Variants in ILDR2 observed in about 807,000 individuals in gnomAD.
ILDR2 encodes immunoglobulin-like domain-containing receptor 2.
In ILDR2, 25 loss-of-function variants were observed where a neutral mutation model predicts 66.8. That is an observed-to-expected ratio of 0.37 (90% CI 0.27 to 0.52). The LOEUF is 0.52. ILDR2 is among the 20% of genes least tolerant of loss of function. The probability of loss-of-function intolerance (pLI) is 0.88; values close to 1 mark genes in which losing one functional copy is unlikely to be tolerated. For missense variants in ILDR2, 827 were observed against 876.8 expected (o/e 0.94, Z 0.72); for synonymous variants, 367 against 357.2 (o/e 1.03, Z -0.31).
chr1:166,925,575 G>A (rs1337884518), intron 7 of ILDR2, among the ~76,000 whole-genome samples: 1 of 152,178 alleles, frequency 6.6e-6, no homozygotes, highest in African/African-American at 2.4e-5. Context: ...TACAGCCATG[G>A]AGCCATCCAC....
intron 2 of ILDR2, among the ~76,000 whole-genome samples, chr1:166,901,985 C>T (rs771669596): frequency 4.6e-5 from 7 of 152,186 alleles, no homozygotes; most frequent in Non-Finnish European, 7.3e-5. Context: ...CTCAGCCTCC[C>T]GAGTAGCAGG....
intron 6 of ILDR2, among the ~76,000 whole-genome samples, chr1:166,928,489 A>T (rs765424877): frequency 6.6e-6 from 1 of 152,228 alleles, no homozygotes; most frequent in Non-Finnish European, 1.5e-5. Flanking sequence ...CCTATATTCC[A>T]GCTATTAAGG....
chr1:166,905,728 T>A (rs1219546396), downstream of ILDR2, among the ~76,000 whole-genome samples: 2 of 152,230 alleles, frequency 1.3e-5, no homozygotes, highest in Admixed American at 6.5e-5. Flanking sequence ...GCCTCCTTCA[T>A]GTCCCAGCCA....
intron 3 of ILDR2, among the ~76,000 whole-genome samples, chr1:166,948,626 T>C (rs1661782169): frequency 1.3e-5 from 2 of 152,206 alleles, no homozygotes; most frequent in African/African-American, 4.8e-5. Flanking sequence ...TCCACTGGGC[T>C]GATTAGGGTC....
downstream of ILDR2, among the ~76,000 whole-genome samples, chr1:166,906,070 A>T (rs1488032114): frequency 6.6e-6 from 1 of 152,186 alleles, no homozygotes; most frequent in Non-Finnish European, 1.5e-5. Flanking sequence ...TGGATGTAAA[A>T]GTGTTTGCGC....
In ILDR2 at chr1:166,914,065, T is replaced by A. The variant is rs1311250366; in HGVS notation, c.*5290A>T. The stretch of plus-strand genomic sequence containing the variant: ...GGAGTTTGAGACTGCAGTGAGCTGA[T>A]AGCACCACTGCACTGCACTGCACCA... On this transcript the variant is annotated 3_prime_UTR_variant, in exon 10 of 10. Transcript: ENST00000271417. The A allele has an allele frequency of 4.7e-5, 7 of 148,644 alleles. No individual in the cohort carries two copies. Among genetic ancestry groups the A allele is most frequent in the Non-Finnish European group, 8.9e-5 (6 of 67,680 alleles). The allele number at this position is 148,644 out of a possible 1,614,324, so 9.2% of individuals were successfully genotyped here. A position where few individuals can be genotyped will look rare whatever the true frequency, so the allele number is the denominator to read the frequency against.
At chr1:166,971,228 C>T (rs1663272631) in intron 1 of ILDR2, among the ~76,000 whole-genome samples, 1 of 152,232 alleles carries the variant, frequency 6.6e-6, no homozygotes, top group Admixed American at 6.5e-5. Flanking sequence ...AGGACTATGA[C>T]TTATTCATCT....
intron 1 of ILDR2, among the ~76,000 whole-genome samples, chr1:166,962,813 T>C (rs943118676): frequency 1.3e-5 from 2 of 152,220 alleles, no homozygotes; most frequent in African/African-American, 4.8e-5. Context: ...AATAAGAATA[T>C]GTAACTATAC....
downstream of ILDR2, among the ~76,000 whole-genome samples, chr1:166,907,531 C>T (rs909634312): frequency 1.3e-5 from 2 of 152,146 alleles, no homozygotes; most frequent in African/African-American, 4.8e-5. Context: ...TAAATGGAGT[C>T]TCCCCACTCC....
intron 3 of ILDR2, among the ~76,000 whole-genome samples, chr1:166,944,965 A>C (rs529303676): frequency 1.3e-5 from 2 of 152,120 alleles, no homozygotes; most frequent in East Asian, 3.9e-4. Flanking sequence ...GTGAGGAGGC[A>C]CCTCACCCAC....
chr1:166,934,455 A>G lies in ILDR2; in HGVS notation c.880+846T>C, dbSNP rs1217452870. On this transcript the variant is annotated intron_variant, in intron 6 of 9. Coordinates refer to ENST00000271417, the MANE Select transcript of ILDR2 (RefSeq NM_199351.3). ...TCTCCATCATAATCTAGATGCTCACATATCTCAACCACTTCAACCACACCT... is the reference window on the plus strand; with the variant it reads ...TCTCCATCATAATCTAGATGCTCACGTATCTCAACCACTTCAACCACACCT... Among the ~76,000 whole-genome samples the G allele has an allele frequency of 2.6e-5, 4 of 152,214 alleles. No homozygotes were observed. The East Asian group carries it at 7.7e-4, about 29-fold the overall frequency.
downstream of ILDR2, among the ~76,000 whole-genome samples, chr1:166,906,083 A>G (rs1659346002): frequency 6.6e-6 from 1 of 152,210 alleles, no homozygotes; most frequent in South Asian, 2.1e-4. Context: ...GTTTGCGCTT[A>G]TTCAACCTGC....
chr1:166,961,623 A>C (rs1396235794), intron 1 of ILDR2, among the ~76,000 whole-genome samples: 1 of 152,062 alleles, frequency 6.6e-6, no homozygotes, highest in African/African-American at 2.4e-5. Context: ...TACCTTATGG[A>C]GTTGTTTGAG....
Position 166,927,064 on chromosome 1 carries a change from C to T in ILDR2, c.994+3G>A. ...AGATCACAGAAAACTAACAGATGCTCACATCTGCCTCTCATCCTTCTGGCT... is the reference window on the plus strand; with the variant it reads ...AGATCACAGAAAACTAACAGATGCTTACATCTGCCTCTCATCCTTCTGGCT... On this transcript the variant is annotated splice_donor_region_variant and intron_variant, in intron 7 of 9. Coordinates refer to ENST00000271417, the MANE Select transcript of ILDR2 (RefSeq NM_199351.3). 6.3e-7 allele frequency: 1 copy of T among 1,587,308 alleles called. No homozygotes were observed. Among genetic ancestry groups the T allele is most frequent in the East Asian group, 2.2e-5 (1 of 44,658 alleles).
In ILDR2 at chr1:166,935,442, G is replaced by C. The variant is rs754481875; in HGVS notation, c.739C>G (p.Pro247Ala). ...CCGGGGACACCGGAGACAGAGGGAG[G>C]GTACCCGGCCTTTGCTGCTTTCCCT... ...EAGKAAKAGY[P>A]PSVSGVPGPY... The change falls in exon 6 of 10, where the codon CCT (proline) becomes GCT (alanine). Residue 247 changes from proline (P) to alanine (A), a missense_variant. Pro to Ala is a conservative substitution (Grantham distance 27, BLOSUM62 -1). Transcript: ENST00000271417. The C allele has an allele frequency of 6.2e-7, 1 of 1,610,238 alleles. No homozygotes were observed. The highest frequency in any genetic ancestry group is 1.1e-5 in the South Asian group (1 of 90,500).
intron 6 of ILDR2, among the ~76,000 whole-genome samples, chr1:166,930,083 C>CTG (rs1660544348): frequency 6.6e-6 from 1 of 152,182 alleles, no homozygotes; most frequent in Non-Finnish European, 1.5e-5. Context: ...AATGTACCAG[C>CTG]TGTGCCCTGG....
At chr1:166,947,671 TC>T (rs1053200603) in intron 3 of ILDR2, among the ~76,000 whole-genome samples, 1 of 151,424 alleles carries the variant, frequency 6.6e-6, no homozygotes, top group Non-Finnish European at 1.5e-5. Context: ...CCCCGTTTCC[TC>T]CCCCGCTCGG....
Position 166,957,780 on chromosome 1 carries a change from G to GTGATCTCTCTGCCCCTGTAGAAA in ILDR2, c.345_367dup (p.Thr123IlefsTer159). The GTGATCTCTCTGCCCCTGTAGAAA allele has an allele frequency of 6.2e-7, 1 of 1,610,146 alleles. No individual in the cohort carries two copies. The highest frequency in any genetic ancestry group is 8.5e-7 in the Non-Finnish European group (1 of 1,176,876). On this transcript the variant is annotated frameshift_variant, in exon 2 of 10. Coordinates refer to ENST00000271417, the MANE Select transcript of ILDR2 (RefSeq NM_199351.3). LOFTEE classifies it high-confidence loss of function. ...AGGGGCATTATTACCATGAACAATC[G>GTGATCTCTCTGCCCCTGTAGAAA]TGATCTCTCTGCCCCTGTAGAAATC...
intron 1 of ILDR2, among the ~76,000 whole-genome samples, chr1:166,972,946 T>A (rs751546527): frequency 1.3e-5 from 2 of 152,172 alleles, no homozygotes; most frequent in Admixed American, 1.3e-4. Context: ...TGAATTCATC[T>A]CCTCCTTGTC....
Sources: allele counts gnomAD v4.1 joint callset (sites outside exome capture counted in the v4.1 genomes callset), GRCh38; gene constraint gnomAD v4.1.1; transcripts MANE v1.5; gene names NCBI Gene and HGNC (gene_info 2026-07-23, HGNC 2026-07-21).